PAG1: variants seen among roughly 807,000 people sequenced by gnomAD.
PAG1 encodes phosphoprotein membrane anchor with glycosphingolipid microdomains 1.
A neutral mutation model predicts 31.7 loss-of-function variants in PAG1; 23 were observed. That is an observed-to-expected ratio of 0.73 (90% confidence interval 0.52 to 1.03). The LOEUF (loss-of-function observed/expected upper bound fraction) is 1.03, where lower values mean the gene tolerates loss of function less well. Among genes scored for constraint, PAG1 ranks in the 50% least tolerant of loss-of-function variants. The pLI is 0.00. For missense variants in PAG1, 473 were observed against 540.7 expected (o/e 0.87, Z 1.24); for synonymous variants, 214 against 210.3 (o/e 1.02, Z -0.15).
intron 3 of PAG1, among the ~76,000 whole-genome samples, chr8:81,023,820 A>C (rs1437999903): frequency 6.6e-6 from 1 of 152,194 alleles, no homozygotes; most frequent in Non-Finnish European, 1.5e-5. Flanking sequence ...TGCAATAAAC[A>C]CAGGTTTAGG....
intron 1 of PAG1, among the ~76,000 whole-genome samples, chr8:81,083,185 G>T (rs1285751219): frequency 6.6e-6 from 1 of 152,140 alleles, no homozygotes; most frequent in African/African-American, 2.4e-5. Context: ...CTTACTGCTA[G>T]TTAGGAGTGG....
intron 4 of PAG1, among the ~76,000 whole-genome samples, chr8:80,991,738 C>A (rs1807552441): frequency 6.6e-6 from 1 of 152,122 alleles, no homozygotes; most frequent in Admixed American, 6.6e-5. Context: ...CAACTAGGGA[C>A]TGTCCACCTC....
At position 80,975,785 on chromosome 8, in the gene PAG1, G is replaced by A. The variant is rs747390460; in HGVS notation, c.*759C>T. 2 of 152,174 alleles carry A rather than the reference G, an allele frequency of 1.3e-5. No individual in the cohort carries two copies. The highest frequency in any genetic ancestry group is 1.5e-5 in the Non-Finnish European group (1 of 68,030). 9.4% of individuals were successfully genotyped at this position (152,174 alleles called of 1,614,324 possible). ...AGTTTTCAAACACTGGGGGAAACACGTTTTTGACTAGAAAAATAAAATAAA... is the reference window on the plus strand; with the variant it reads ...AGTTTTCAAACACTGGGGGAAACACATTTTTGACTAGAAAAATAAAATAAA... On this transcript the variant is annotated 3_prime_UTR_variant, in exon 9 of 9. Coordinates refer to ENST00000220597, the MANE Select transcript of PAG1 (RefSeq NM_018440.4).
At chr8:81,062,466 A>G (rs1444635694) in intron 2 of PAG1, among the ~76,000 whole-genome samples, 1 of 152,258 alleles carries the variant, frequency 6.6e-6, no homozygotes, top group Non-Finnish European at 1.5e-5. Flanking sequence ...GGGTAATGGC[A>G]AAGGATCACA....
At chr8:81,110,669 GCT>G in intron 1 of PAG1, among the ~76,000 whole-genome samples, 2 of 152,290 alleles carry the variant, frequency 1.3e-5, no homozygotes, top group South Asian at 4.1e-4. Context: ...TCCTCTGCAT[GCT>G]CTCTGCACAA....
chr8:81,091,609 T>C (rs1253169828), intron 1 of PAG1, among the ~76,000 whole-genome samples: 1 of 152,166 alleles, frequency 6.6e-6, no homozygotes, highest in Non-Finnish European at 1.5e-5. Context: ...ACAGTAACAA[T>C]ATGATTTTAT....
Position 81,105,747 on chromosome 8 carries a change from T to C in PAG1, c.-234+5844A>G, listed in dbSNP as rs527427602. Among the ~76,000 whole-genome samples, 223 of 152,320 alleles carry C rather than the reference T, an allele frequency of 1.5e-3. 1 individual carries two copies. The highest frequency in any genetic ancestry group is 6.1e-3 in the Admixed American group (94 of 15,302). ...GCGTAGGGGGAAGCAACTTTAATAGTAATGATGGAGTCACAAATACAGTGA... is the reference window on the plus strand; with the variant it reads ...GCGTAGGGGGAAGCAACTTTAATAGCAATGATGGAGTCACAAATACAGTGA... On this transcript the variant is annotated intron_variant, in intron 1 of 8. Coordinates refer to ENST00000220597, the MANE Select transcript of PAG1 (RefSeq NM_018440.4).
chr8:81,092,670 T>C (rs1429169759), intron 1 of PAG1, among the ~76,000 whole-genome samples: 2 of 152,238 alleles, frequency 1.3e-5, no homozygotes, highest in African/African-American at 4.8e-5. Context: ...AAGTTCTTCA[T>C]TGAGCAGTAT....
At chr8:81,056,351 G>A (rs1208938321) in intron 2 of PAG1, among the ~76,000 whole-genome samples, 1 of 152,118 alleles carries the variant, frequency 6.6e-6, no homozygotes, top group Middle Eastern at 3.2e-3. Flanking sequence ...AAAACAGCAT[G>A]GTACTGGTAC....
intron 2 of PAG1, among the ~76,000 whole-genome samples, chr8:81,055,224 T>G (rs1808799204): frequency 6.6e-6 from 1 of 152,052 alleles, no homozygotes; most frequent in African/African-American, 2.4e-5. Context: ...CCACCATGCC[T>G]GGCTAATTTT....
chr8:81,068,884 T>A (rs2130959356), intron 2 of PAG1, among the ~76,000 whole-genome samples: 1 of 152,302 alleles, frequency 6.6e-6, no homozygotes, highest in South Asian at 2.1e-4. Flanking sequence ...GAGTTAAATC[T>A]TCATTACCCC....
At chr8:81,065,583 C>T (rs901675880) in intron 2 of PAG1, among the ~76,000 whole-genome samples, 14 of 152,118 alleles carry the variant, frequency 9.2e-5, no homozygotes, top group African/African-American at 3.4e-4. Flanking sequence ...TTCTACTGTG[C>T]TAAGATCAGA....
intron 5 of PAG1, among the ~76,000 whole-genome samples, chr8:80,988,318 G>A (rs917936914): frequency 6.6e-6 from 1 of 152,224 alleles, no homozygotes; most frequent in African/African-American, 2.4e-5. Flanking sequence ...CCTTTGTCAT[G>A]TGAAGGGAAC....
chr8:81,069,194 A>G (rs999647440), intron 2 of PAG1, among the ~76,000 whole-genome samples: 21 of 152,236 alleles, frequency 1.4e-4, no homozygotes, highest in African/African-American at 4.8e-4. Context: ...TGCTCTCCTA[A>G]GAGGAAAGGG....
At chr8:80,988,591 G>A (rs1807474065) in intron 5 of PAG1, among the ~76,000 whole-genome samples, 1 of 152,030 alleles carries the variant, frequency 6.6e-6, no homozygotes, top group Non-Finnish European at 1.5e-5. Context: ...CTCTGGAATC[G>A]GTGGGACTAC....
At chr8:81,059,950 G>A (rs1428301637) in intron 2 of PAG1, among the ~76,000 whole-genome samples, 5 of 151,844 alleles carry the variant, frequency 3.3e-5, no homozygotes, top group African/African-American at 9.7e-5. Flanking sequence ...CCCAGGAGGC[G>A]GAGGTTGCAG....
chr8:81,079,609 C>T (rs1809232576), intron 1 of PAG1, among the ~76,000 whole-genome samples: 1 of 152,034 alleles, frequency 6.6e-6, no homozygotes, highest in African/African-American at 2.4e-5. Context: ...AGGAGAGACA[C>T]TCAGAGTTGG....
At chr8:81,083,344 C>T (rs971099423) in intron 1 of PAG1, among the ~76,000 whole-genome samples, 1 of 152,078 alleles carries the variant, frequency 6.6e-6, no homozygotes, top group Non-Finnish European at 1.5e-5. Context: ...GGGTAGAAAC[C>T]CAGGTTCCGC....
At position 81,101,357 on chromosome 8, in the gene PAG1, C is replaced by T. The variant is rs11991066; in HGVS notation, c.-234+10234G>A. ...AAGCAAAAGAAAAATATTCGTAACA[C>T]TAAATATGTACAAATATTTATCAGG... On this transcript the variant is annotated intron_variant, in intron 1 of 8. Transcript: ENST00000220597. Among the ~76,000 whole-genome samples, 1,198 of 152,262 alleles carry T rather than the reference C, an allele frequency of 7.9e-3. 20 individuals carry two copies. Among genetic ancestry groups the T allele is most frequent in the African/African-American group, 0.026 (1,080 of 41,544 alleles).
Sources: allele counts gnomAD v4.1 joint callset (sites outside exome capture counted in the v4.1 genomes callset), GRCh38; gene constraint gnomAD v4.1.1; transcripts MANE v1.5; gene names NCBI Gene and HGNC (gene_info 2026-07-23, HGNC 2026-07-21).